Variants in BEAN1 observed in about 807,000 individuals in gnomAD.
The protein encoded by BEAN1 is protein BEAN1.
In BEAN1, 17 loss-of-function variants were observed where a neutral mutation model predicts 17.7. That is an observed-to-expected ratio of 0.96 (90% confidence interval 0.66 to 1.44). The LOEUF (loss-of-function observed/expected upper bound fraction) is 1.44, where lower values mean the gene tolerates loss of function less well. BEAN1 is among the 40% of genes most tolerant of loss of function. BEAN1 has a pLI of 0.00. For synonymous variants in BEAN1, 142 were observed against 151.8 expected (o/e 0.94, Z 0.47); for missense variants, 359 against 374.1 (o/e 0.96, Z 0.33).
chr16:66,431,872 T>A (rs1458559529), intron 1 of BEAN1, among the ~76,000 whole-genome samples: 1 of 152,100 alleles, frequency 6.6e-6, no homozygotes, highest in African/African-American at 2.4e-5. Flanking sequence ...AGTGACACGA[T>A]CTCGGCTCAC....
chr16:66,468,067 A>G (rs1174252850), intron 2 of BEAN1, among the ~76,000 whole-genome samples: 1 of 152,178 alleles, frequency 6.6e-6, no homozygotes, highest in Non-Finnish European at 1.5e-5. Context: ...CTCACCTGGG[A>G]AAAAAGCCCT....
At chr16:66,435,524 G>T (rs891660246) in intron 1 of BEAN1, among the ~76,000 whole-genome samples, 1 of 152,172 alleles carries the variant, frequency 6.6e-6, no homozygotes, top group Non-Finnish European at 1.5e-5. Context: ...GTCTCACTCT[G>T]TCACCCAGGC....
At chr16:66,431,729 CT>C (rs1344951553) in intron 1 of BEAN1, among the ~76,000 whole-genome samples, 2 of 151,040 alleles carry the variant, frequency 1.3e-5, no homozygotes, top group Non-Finnish European at 2.9e-5. Context: ...TACTGAAAGT[CT>C]TTTTTACTTT....
chr16:66,479,227 T>TC (rs1054011853), intron 4 of BEAN1: 1 of 152,276 alleles, frequency 6.6e-6, no homozygotes, highest in South Asian at 2.1e-4. Context: ...CACAGGCACC[T>TC]CCCCCATCCC....
At chr16:66,474,626 G>GAGGGAGGGAGGGAGGA (rs1963653241) in intron 3 of BEAN1, among the ~76,000 whole-genome samples, 1 of 46,324 alleles carries the variant, frequency 2.2e-5, no homozygotes, top group African/African-American at 8.2e-5. Context: ...GGAAGGGAGG[G>GAGGGAGGGAGGGAGGA]AGGGAGGGAG....
chr16:66,485,221 C>T (rs952861285), downstream of BEAN1: 84 of 406,460 alleles, frequency 2.1e-4, 1 homozygote, highest in Non-Finnish European at 7.4e-5. Flanking sequence ...TAGAGATACC[C>T]CTGGCACACA....
intron 2 of BEAN1, chr16:66,451,066 A>T (rs1567491227): frequency 6.5e-6 from 1 of 153,468 alleles, no homozygotes; most frequent in Non-Finnish European, 1.5e-5. Flanking sequence ...TACTCTGTTA[A>T]TACTGTTTGA....
At chr16:66,479,741 T>G (rs1275273566) in intron 4 of BEAN1, among the ~76,000 whole-genome samples, 1 of 151,728 alleles carries the variant, frequency 6.6e-6, no homozygotes, top group African/African-American at 2.4e-5. Context: ...AAGGAGGGAG[T>G]TATGCCCTCA....
intron 2 of BEAN1, among the ~76,000 whole-genome samples, chr16:66,443,757 C>T (rs928671543): frequency 6.6e-6 from 1 of 152,176 alleles, no homozygotes; most frequent in Non-Finnish European, 1.5e-5. Context: ...TCACTGCAAC[C>T]TCCACCTCCC....
intron 4 of BEAN1, 36 bp from the exon 5 acceptor site, chr16:66,480,550 C>G: frequency 6.8e-7 from 1 of 1,469,124 alleles, no homozygotes; most frequent in Non-Finnish European, 9.2e-7. Context: ...GCCCTAAGGC[C>G]TAGGTGGGGC....
chr16:66,442,647 T>C (rs1385868603), intron 2 of BEAN1, among the ~76,000 whole-genome samples: 1 of 152,132 alleles, frequency 6.6e-6, no homozygotes, highest in Non-Finnish European at 1.5e-5. Flanking sequence ...CTGCTTCTTA[T>C]CAGCTGGGGC....
chr16:66,479,930 T>C (rs543193467), intron 4 of BEAN1, among the ~76,000 whole-genome samples: 1 of 151,954 alleles, frequency 6.6e-6, no homozygotes, highest in South Asian at 2.1e-4. Context: ...CTTTTGTTCC[T>C]CTCCTGCCAG....
intron 4 of BEAN1, among the ~76,000 whole-genome samples, chr16:66,478,793 C>T (rs1464164723): frequency 2.0e-5 from 3 of 152,066 alleles, no homozygotes; most frequent in African/African-American, 7.2e-5. Context: ...GGAGGATGGG[C>T]TGACACAGGA....
chr16:66,486,404 T>C (rs1964089639), downstream of BEAN1, among the ~76,000 whole-genome samples: 1 of 152,106 alleles, frequency 6.6e-6, no homozygotes, highest in South Asian at 2.1e-4. Flanking sequence ...CGGGCACATG[T>C]CACTGCGCCC....
Position 66,480,814 on chromosome 16 carries a change from C to A in BEAN1, c.669C>A (p.Gly223=). The A allele has an allele frequency of 6.5e-7, 1 of 1,541,488 alleles. No homozygotes were observed. The highest frequency in any genetic ancestry group is 8.8e-7 in the Non-Finnish European group (1 of 1,141,268). ...LPPYEAVCGA[G]PPSGLLPLPG... is the part of the protein sequence containing the mutation. Reference sequence around the variant, plus strand: ...CCTACGAGGCTGTGTGCGGGGCTGGCCCCCCATCAGGCCTGCTGCCACTGC... The same window carrying A: ...CCTACGAGGCTGTGTGCGGGGCTGGACCCCCATCAGGCCTGCTGCCACTGC... Residue 223 remains glycine (G), a synonymous_variant, in exon 5 of 5, where the codon GGC becomes GGA. Transcript: ENST00000536005.
chr16:66,447,284 A>G (rs1438203309), intron 2 of BEAN1, among the ~76,000 whole-genome samples: 5 of 152,150 alleles, frequency 3.3e-5, no homozygotes, highest in Admixed American at 6.5e-5. Flanking sequence ...ATGTGGCCTC[A>G]TGCAGTAACA....
At chr16:66,462,706 C>T (rs1224761883) in intron 2 of BEAN1, among the ~76,000 whole-genome samples, 4 of 151,882 alleles carry the variant, frequency 2.6e-5, no homozygotes, top group African/African-American at 4.8e-5. Flanking sequence ...GAGGCTGAGG[C>T]GGGAGAATTG....
rs377695318 is a variant in BEAN1 at position 66,469,774 on chromosome 16, G to A, written c.198G>A (p.Arg66=). The A allele has an allele frequency of 1.3e-6, 2 of 1,536,034 alleles. No individual in the cohort carries two copies. The highest frequency in any genetic ancestry group is 2.0e-5 in the Admixed American group (1 of 51,004). ...GCATCCGCAGGGACAGGCAGGCCCG[G>A]CTTCAGCGGCACCGCCACCGCCACC... is the stretch of plus-strand genomic sequence containing the variant. ...VGSIRRDRQA[R]LQRHRHRHHR... Residue 66 remains arginine (R), a synonymous_variant, in exon 3 of 5, where the codon CGG becomes CGA. Transcript: ENST00000536005.
intron 3 of BEAN1, chr16:66,470,212 A>G (rs1567502573): frequency 3.0e-5 from 12 of 401,520 alleles, no homozygotes; most frequent in Non-Finnish European, 1.8e-5. Flanking sequence ...GGATGGATGG[A>G]TGGATGGTTG....
Sources: gnomAD v4.1 joint callset for allele counts (sites outside exome capture counted in the v4.1 genomes callset) on GRCh38, gnomAD v4.1.1 for gene constraint, MANE v1.5 for transcripts, NCBI Gene and HGNC (gene_info 2026-07-23, HGNC 2026-07-21) for gene names.